The following SEMA5A variants were observed in gnomAD, a reference collection of about 807,000 sequenced individuals.
SEMA5A encodes semaphorin-5A.
Under a neutral mutation model 135.5 loss-of-function variants are expected in SEMA5A, and 55 were observed. The ratio of observed to expected loss-of-function variants is 0.41; its 90% CI spans 0.33 to 0.51. SEMA5A has a LOEUF of 0.51. Ranked by LOEUF, SEMA5A falls within the 20% of genes least tolerant of loss-of-function variation. The pLI is 0.37. For synonymous variants in SEMA5A, 580 were observed against 546.5 expected, an observed-to-expected ratio of 1.06 and a Z score of -0.85; for missense variants, 1,290 against 1,419.9, an observed-to-expected ratio of 0.91 and a Z score of 1.47.
chr5:9,312,415 C>T (rs529314224), intron 5 of SEMA5A, among the ~76,000 whole-genome samples: 3 of 149,222 alleles, frequency 2.0e-5, no homozygotes, highest in African/African-American at 7.4e-5. Context: ...AATAAGTTAA[C>T]ATTTGATTCT....
chr5:9,257,775 T>A (rs563709566), intron 5 of SEMA5A, among the ~76,000 whole-genome samples: 2 of 152,060 alleles, frequency 1.3e-5, no homozygotes, highest in Non-Finnish European at 2.9e-5. Context: ...GGCTTGCAGA[T>A]GTTTTATTAC....
At position 9,167,890 on chromosome 5, in the gene SEMA5A, T is replaced by C. The variant is rs553911254; in HGVS notation, c.1274-13195A>G. Reference sequence around the variant, plus strand: ...TCAGTTGAGTCTTAGTGAATGAACATATGAGGATTTCACAATTCTAGAATC... The same window carrying C: ...TCAGTTGAGTCTTAGTGAATGAACACATGAGGATTTCACAATTCTAGAATC... On this transcript the variant is annotated intron_variant, in intron 11 of 22. Transcript: ENST00000382496. Among the ~76,000 whole-genome samples, 24 of 152,326 alleles carry C rather than the reference T, an allele frequency of 1.6e-4. 2 individuals carry two copies. Among genetic ancestry groups the C allele is most frequent in the Middle Eastern group, 3.4e-3 (1 of 294 alleles).
chr5:9,045,712 A>G (rs528167721), intron 21 of SEMA5A: 1 of 152,348 alleles, frequency 6.6e-6, no homozygotes, highest in Non-Finnish European at 1.5e-5. Flanking sequence ...AATGAACAAA[A>G]TATGATATTT....
chr5:9,191,683 T>C (rs1281054773), intron 10 of SEMA5A, among the ~76,000 whole-genome samples: 1 of 152,254 alleles, frequency 6.6e-6, no homozygotes, highest in Non-Finnish European at 1.5e-5. Context: ...CATAAAATGA[T>C]GGGATGATTG....
chr5:9,152,621 A>T (rs1742691102), intron 12 of SEMA5A, among the ~76,000 whole-genome samples: 1 of 152,214 alleles, frequency 6.6e-6, no homozygotes, highest in African/African-American at 2.4e-5. Context: ...TATTGCTGTG[A>T]TTACACATCA....
At chr5:9,427,017 T>A (rs965404851) in intron 2 of SEMA5A, among the ~76,000 whole-genome samples, 6 of 152,030 alleles carry the variant, frequency 3.9e-5, no homozygotes, top group Admixed American at 3.9e-4. Context: ...AAAGTTATTT[T>A]AAAAAATGAA....
chr5:9,522,051 A>G (rs1380596727), intron 1 of SEMA5A, among the ~76,000 whole-genome samples: 2 of 152,142 alleles, frequency 1.3e-5, no homozygotes, highest in African/African-American at 4.8e-5. Flanking sequence ...TCCCCGTCGC[A>G]TAGCCTTCGC....
intron 1 of SEMA5A, among the ~76,000 whole-genome samples, chr5:9,477,177 G>A (rs907136862): frequency 6.6e-6 from 1 of 152,024 alleles, no homozygotes; most frequent in African/African-American, 2.4e-5. Context: ...ATCTTCTGCT[G>A]TGACTGTAAG....
chr5:9,316,331 G>A (rs955214876), intron 5 of SEMA5A, among the ~76,000 whole-genome samples: 49 of 152,146 alleles, frequency 3.2e-4, no homozygotes, highest in African/African-American at 1.0e-3. Context: ...AAAATCCTTC[G>A]TTTGTTTTCA....
intron 16 of SEMA5A, among the ~76,000 whole-genome samples, chr5:9,089,721 A>G (rs1738928286): frequency 6.6e-6 from 1 of 152,152 alleles, no homozygotes; most frequent in African/African-American, 2.4e-5. Context: ...CTTGACTTTA[A>G]CAGAAAGGCT....
intron 13 of SEMA5A, among the ~76,000 whole-genome samples, chr5:9,128,729 T>A (rs139874405): frequency 3.3e-5 from 5 of 152,324 alleles, no homozygotes; most frequent in Admixed American, 1.3e-4. Context: ...TTTGATAATA[T>A]CCCAAAGAAT....
chr5:9,116,630 C>A (rs1740529409), intron 15 of SEMA5A, among the ~76,000 whole-genome samples: 1 of 152,192 alleles, frequency 6.6e-6, no homozygotes, highest in South Asian at 2.1e-4. Flanking sequence ...CTTAGGGAAT[C>A]TTTTGGGAAG....
At chr5:9,282,051 T>C (rs556370787) in intron 5 of SEMA5A, among the ~76,000 whole-genome samples, 1 of 152,136 alleles carries the variant, frequency 6.6e-6, no homozygotes, top group East Asian at 1.9e-4. Flanking sequence ...GACCTCGTGA[T>C]CCACCCATCA....
chr5:9,098,033 C>T (rs114094631), intron 16 of SEMA5A, among the ~76,000 whole-genome samples: 1,688 of 152,014 alleles, frequency 0.011, 31 homozygotes, highest in African/African-American at 0.039. Context: ...CACTTGAGGT[C>T]GGGAGTTTAA....
intron 8 of SEMA5A, among the ~76,000 whole-genome samples, chr5:9,221,325 C>T (rs190979254): frequency 0.018 from 2,152 of 118,754 alleles, 77 homozygotes; most frequent in African/African-American, 0.065. Flanking sequence ...TTTTTTGAGA[C>T]GGAGTCTCGC....
chr5:9,412,160 C>G (rs536862781), intron 2 of SEMA5A, among the ~76,000 whole-genome samples: 1 of 151,896 alleles, frequency 6.6e-6, no homozygotes. Flanking sequence ...AAGTGTTCCC[C>G]GAAATGAACG....
Position 9,136,609 on chromosome 5 carries a change from C to G in SEMA5A, c.1494G>C (p.Gly498=). ...QFYRTRSTCI[G]AQDPYCGWDV... is the part of the protein sequence containing the mutation. ...CCCAGCCACAGTAAGGGTCCTGGGC[C>G]CCAATGCAGGTGCTGGAAACACACA... Residue 498 remains glycine (G), a synonymous_variant, in exon 13 of 23, where the codon GGG becomes GGC. Coordinates refer to ENST00000382496, the MANE Select transcript of SEMA5A (RefSeq NM_003966.3). 2.5e-6 allele frequency: 4 copies of G among 1,613,982 alleles called. No individual in the cohort carries two copies. Among genetic ancestry groups the G allele is most frequent in the Non-Finnish European group, 3.4e-6 (4 of 1,179,876 alleles).
intron 3 of SEMA5A, among the ~76,000 whole-genome samples, chr5:9,352,093 T>TTGGG (rs1754143733): frequency 9.4e-5 from 3 of 31,842 alleles, no homozygotes; most frequent in South Asian, 4.0e-3. Flanking sequence ...ATGTAACAGG[T>TTGGG]CGGGGGGGTT....
chr5:9,221,363 C>T (rs529025264), intron 8 of SEMA5A, among the ~76,000 whole-genome samples: 212 of 138,390 alleles, frequency 1.5e-3, no homozygotes, highest in African/African-American at 4.8e-3. Context: ...AGTGCAGTGG[C>T]GCGATCTCGG....
Sources: allele counts gnomAD v4.1 joint callset (sites outside exome capture counted in the v4.1 genomes callset), GRCh38; gene constraint gnomAD v4.1.1; transcripts MANE v1.5; gene names NCBI Gene and HGNC (gene_info 2026-07-23, HGNC 2026-07-21).